ANO1: variants seen among roughly 807,000 people sequenced by gnomAD.
ANO1 encodes anoctamin 1.
ANO1 carries 59 observed loss-of-function variants against 124.0 expected under a neutral mutation model. That is an observed-to-expected ratio of 0.48 (90% CI 0.39 to 0.59). The LOEUF (loss-of-function observed/expected upper bound fraction) is 0.59, where lower values mean the gene tolerates loss of function less well. Among genes scored for constraint, ANO1 ranks in the 20% least tolerant of loss-of-function variants. The probability of loss-of-function intolerance (pLI) is 0.00; values close to 1 mark genes in which losing one functional copy is unlikely to be tolerated. For synonymous variants in ANO1, 529 were observed against 532.0 expected, an observed-to-expected ratio of 0.99 and a Z score of 0.08; for missense variants, 1,059 against 1,328.0, an observed-to-expected ratio of 0.80 and a Z score of 3.15.
At chr11:70,087,110 G>A (rs2044415818) in intron 1 of ANO1, among the ~76,000 whole-genome samples, 1 of 152,166 alleles carries the variant, frequency 6.6e-6, no homozygotes, top group Admixed American at 6.5e-5. Context: ...TGTTGCTGGG[G>A]GATATTTTGT....
At chr11:70,052,608 A>T (rs1857370235) in intron 1 of ANO1, among the ~76,000 whole-genome samples, 1 of 127,936 alleles carries the variant, frequency 7.8e-6, no homozygotes, top group Non-Finnish European at 1.6e-5. Context: ...GCTGGAGTGC[A>T]ATGGCGCGAT....
chr11:69,980,395 G>T, the ANO1 span, among the ~76,000 whole-genome samples: 5 of 152,056 alleles, frequency 3.3e-5, no homozygotes, highest in African/African-American at 1.2e-4. Flanking sequence ...AGGTCAAGGC[G>T]GGTGGGTCAT....
intron 11 of ANO1, among the ~76,000 whole-genome samples, chr11:70,144,803 C>G (rs1256889943): frequency 6.6e-6 from 1 of 152,212 alleles, no homozygotes; most frequent in Admixed American, 6.5e-5. Flanking sequence ...CTAATGCCAG[C>G]CTATCTGGGC....
At chr11:70,185,744 G>A in intron 25 of ANO1, 49 bp downstream of exon 25, 1 of 1,575,534 alleles carries the variant, frequency 6.3e-7, no homozygotes, top group Non-Finnish European at 8.7e-7. Context: ...GAGCATTTAG[G>A]GACCATCCTG....
At chr11:70,085,866 G>A (rs1442795863) in intron 1 of ANO1, among the ~76,000 whole-genome samples, 1 of 152,264 alleles carries the variant, frequency 6.6e-6, no homozygotes, top group African/African-American at 2.4e-5. Flanking sequence ...CCTCGAATGA[G>A]GGATTCTGCC....
At chr11:69,979,931 G>A in the ANO1 span, among the ~76,000 whole-genome samples, 2 of 152,150 alleles carry the variant, frequency 1.3e-5, no homozygotes, top group East Asian at 1.9e-4. Context: ...CAACTGTGCC[G>A]TGCCGTGGTT....
upstream of ANO1, among the ~76,000 whole-genome samples, chr11:70,077,591 C>G (rs935636969): frequency 1.3e-5 from 2 of 152,178 alleles, no homozygotes; most frequent in African/African-American, 4.8e-5. Context: ...CCGCTCCGCC[C>G]CTCCAGAAAG....
At chr11:69,968,412 G>A in the ANO1 span, among the ~76,000 whole-genome samples, 1 of 152,198 alleles carries the variant, frequency 6.6e-6, no homozygotes, top group Non-Finnish European at 1.5e-5. Context: ...GTGAGCATTT[G>A]CAAAAATGAG....
chr11:70,145,463 T>C (rs1286130930), intron 11 of ANO1, among the ~76,000 whole-genome samples: 1 of 152,206 alleles, frequency 6.6e-6, no homozygotes, highest in Non-Finnish European at 1.5e-5. Context: ...ATGTCTTTAT[T>C]TTTTAAACGT....
chr11:70,119,676 G>A (rs142457177), intron 8 of ANO1, among the ~76,000 whole-genome samples: 140 of 151,256 alleles, frequency 9.3e-4, no homozygotes, highest in African/African-American at 3.2e-3. Flanking sequence ...AATGATGGAT[G>A]ATGGATGGGT....
chr11:69,997,666 G>A (rs1429795979), intron 1 of ANO1, among the ~76,000 whole-genome samples: 4 of 152,234 alleles, frequency 2.6e-5, no homozygotes, highest in African/African-American at 9.6e-5. Context: ...CTGGTGGGAG[G>A]TGACTGGATC....
In ANO1 at chr11:70,188,060, T is replaced by C; in HGVS notation, c.*56T>C. The C allele has an allele frequency of 6.6e-7, 1 of 1,516,118 alleles. No individual in the cohort carries two copies. Among genetic ancestry groups the C allele is most frequent in the Admixed American group, 2.0e-5 (1 of 49,004 alleles). The allele number at this position is 1,516,118 out of a possible 1,614,324, so 93.9% of individuals were successfully genotyped here. ...GGCATCCTGACCGATGGGCACCCTC[T>C]CCCAGGGCAGGCGGCTTCCCGCTCC... On this transcript the variant is annotated 3_prime_UTR_variant, in exon 26 of 26. Coordinates refer to ENST00000355303, the MANE Select transcript of ANO1 (RefSeq NM_018043.7).
intron 1 of ANO1, among the ~76,000 whole-genome samples, chr11:69,996,564 T>C (rs530307380): frequency 2.6e-4 from 39 of 152,334 alleles, no homozygotes; most frequent in African/African-American, 9.1e-4. Context: ...ATGAATGGCC[T>C]GCATTTCATC....
At chr11:70,095,427 A>AAAGAAAAGAAAGAAAG (rs10667749) in intron 2 of ANO1, among the ~76,000 whole-genome samples, 1 of 30,658 alleles carries the variant, frequency 3.3e-5, no homozygotes, top group African/African-American at 1.2e-4. Context: ...AGAAAGAAAG[A>AAAGAAAAGAAAGAAAG]AAAGAAAAGA....
chr11:70,104,208 T>C (rs2045397309), intron 4 of ANO1, 58 bp downstream of exon 4: 3 of 1,523,972 alleles, frequency 2.0e-6, no homozygotes, highest in South Asian at 2.5e-5. Flanking sequence ...GATTTAACCT[T>C]CTAGCATGAG....
chr11:70,045,700 G>A (rs983186387), intron 1 of ANO1, among the ~76,000 whole-genome samples: 56 of 152,006 alleles, frequency 3.7e-4, no homozygotes, highest in Admixed American at 7.2e-4. Context: ...ACTTTCCAAG[G>A]CTCTCTTCCC....
chr11:70,040,207 A>G (rs970223375), intron 1 of ANO1, among the ~76,000 whole-genome samples: 2 of 152,064 alleles, frequency 1.3e-5, no homozygotes, highest in Admixed American at 1.3e-4. Flanking sequence ...GAAAATATGG[A>G]AGATTTGTGT....
At chr11:70,175,667 C>T (rs2048666854) in intron 22 of ANO1, among the ~76,000 whole-genome samples, 1 of 152,244 alleles carries the variant, frequency 6.6e-6, no homozygotes, top group South Asian at 2.1e-4. Context: ...CTCCCGGGCA[C>T]TGCATGTGGG....
At position 70,067,255 on chromosome 11, in the gene ANO1, T is replaced by C. The variant is rs1259800330; in HGVS notation, c.59-11287T>C. Among the ~76,000 whole-genome samples the C allele has an allele frequency of 5.3e-5, 8 of 151,722 alleles. No homozygotes were observed. The East Asian group carries it at 1.6e-3, about 29-fold the overall frequency. On this transcript the variant is annotated intron_variant, in intron 1 of 27. Transcript: ENST00000531349. The stretch of plus-strand genomic sequence containing the variant: ...CCACCTGCCGTGTCATTTGCTTCTG[T>C]TTTGTCGATGGTCTGCCTGCCCCTC...
Sources: allele counts gnomAD v4.1 joint callset (sites outside exome capture counted in the v4.1 genomes callset), GRCh38; gene constraint gnomAD v4.1.1; transcripts MANE v1.5; gene names NCBI Gene and HGNC (gene_info 2026-07-23, HGNC 2026-07-21).